The following SMC4 variants were observed in gnomAD, a reference collection of about 807,000 sequenced individuals.
SMC4 encodes the protein structural maintenance of chromosomes protein 4.
A neutral mutation model predicts 145.6 loss-of-function variants in SMC4; 87 were observed. The ratio of observed to expected loss-of-function variants is 0.60; its 90% CI spans 0.50 to 0.71. The LOEUF is 0.71. Among genes scored for constraint, SMC4 ranks in the 30% least tolerant of loss-of-function variants. The probability of loss-of-function intolerance (pLI) is 0.00; values close to 1 mark genes in which losing one functional copy is unlikely to be tolerated. For synonymous variants in SMC4, 558 were observed against 500.7 expected (o/e 1.11, Z -1.53); for missense variants, 1,447 against 1,537.1 (o/e 0.94, Z 0.98).
At chr3:160,431,587 A>G in intron 20 of SMC4, 56 bp from the exon 21 acceptor site, 1 of 1,275,634 alleles carries the variant, frequency 7.8e-7, no homozygotes, top group Non-Finnish European at 1.1e-6. Flanking sequence ...TTTTTAAACA[A>G]TGAATTGTAT....
intron 12 of SMC4, among the ~76,000 whole-genome samples, chr3:160,419,923 A>AT (rs1560004062): frequency 6.6e-6 from 1 of 152,136 alleles, no homozygotes; most frequent in Non-Finnish European, 1.5e-5. Context: ...TGGGCAATAT[A>AT]GCAAGACTGT....
At chr3:160,422,504 T>A (rs756112675) in intron 13 of SMC4, among the ~76,000 whole-genome samples, 18 of 152,224 alleles carry the variant, frequency 1.2e-4, no homozygotes, top group Non-Finnish European at 2.4e-4. Context: ...GAGAAATGTC[T>A]GTTTCAAATC....
chr3:160,412,830 A>G, intron 7 of SMC4: 1 of 984,374 alleles, frequency 1.0e-6, no homozygotes, highest in Non-Finnish European at 1.2e-6. Context: ...ACTTTTTAGT[A>G]TCCTGCTTTA....
chr3:160,419,458 C>G lies in SMC4; in HGVS notation c.1772C>G (p.Ala591Gly). 9.3e-6 allele frequency: 15 copies of G among 1,611,052 alleles called. No homozygotes were observed. The highest frequency in any genetic ancestry group is 1.3e-5 in the Non-Finnish European group (15 of 1,179,316). ...QKVEEAKSSL[A>G]MNRSRGKVLD... ...GTTGAAGAAGCAAAGAGCTCATTAG[C>G]AATGAATCGAAGTAGGGGGAAAGTC... The change falls in exon 12 of 24, where the codon GCA becomes GGA. Residue 591 changes from alanine to glycine, a missense_variant. Transcript: ENST00000357388.
In SMC4 at chr3:160,426,219, C is replaced by A; in HGVS notation, c.2605+19C>A. 3 of 1,560,160 alleles carry A rather than the reference C, an allele frequency of 1.9e-6. No homozygotes were observed. Among genetic ancestry groups the A allele is most frequent in the East Asian group, 2.3e-5 (1 of 44,010 alleles). On this transcript the variant is annotated intron_variant, in intron 17 of 23. Coordinates refer to ENST00000357388, the MANE Select transcript of SMC4 (RefSeq NM_001002800.3). The stretch of plus-strand genomic sequence containing the variant: ...AAAACAGGTATGTTTAGAGATAGAC[C>A]TTTTTTGGGGGGAAAAAAAAAACAG...
chr3:160,414,442 A>G lies in SMC4; in HGVS notation c.1197A>G (p.Gln399=), dbSNP rs1576960012. 6.2e-7 allele frequency: 1 copy of G among 1,610,980 alleles called. No individual in the cohort carries two copies. Among genetic ancestry groups the G allele is most frequent in the Middle Eastern group, 1.7e-4 (1 of 6,046 alleles). Reference sequence around the variant, plus strand: ...CACAGCTAGATTTGGAAGATGTTCAAGTTAGAGAAAAGTTAAAACATGCCA... The same window carrying G: ...CACAGCTAGATTTGGAAGATGTTCAGGTTAGAGAAAAGTTAAAACATGCCA... The part of the protein sequence containing the change: ...KFTQLDLEDV[Q]VREKLKHATS... The change falls in exon 9 of 24, where the codon CAA becomes CAG. Residue 399 remains glutamine, a synonymous_variant. Coordinates refer to ENST00000357388, the MANE Select transcript of SMC4 (RefSeq NM_001002800.3).
intron 17 of SMC4, 30 bp downstream of exon 17, chr3:160,426,230 GGA>G: frequency 6.5e-7 from 1 of 1,533,562 alleles, no homozygotes; most frequent in Non-Finnish European, 8.8e-7. Flanking sequence ...TTTTTTGGGG[GGA>G]AAAAAAAAAC....
chr3:160,425,946 C>T, intron 16 of SMC4, 128 bp from the exon 17 acceptor site: 1 of 663,910 alleles, frequency 1.5e-6, no homozygotes, highest in South Asian at 2.2e-5. Flanking sequence ...ATATCAATGG[C>T]ACATATCTTT....
intron 17 of SMC4, among the ~76,000 whole-genome samples, chr3:160,428,307 A>G (rs1485428494): frequency 2.0e-5 from 3 of 152,224 alleles, no homozygotes; most frequent in Admixed American, 1.3e-4. Context: ...ACGCTAATTC[A>G]TCTTATATCC....
At chr3:160,416,185 G>A (rs1716558001) in intron 9 of SMC4, 66 bp from the exon 10 acceptor site, 1 of 1,176,378 alleles carries the variant, frequency 8.5e-7, no homozygotes, top group East Asian at 2.5e-5. Context: ...CTTTAAATAT[G>A]TCAAATATTG....
intron 10 of SMC4, chr3:160,417,482 C>T (rs1488309246): frequency 2.1e-6 from 1 of 474,606 alleles, no homozygotes; most frequent in Admixed American, 3.9e-5. Flanking sequence ...TGTCTTTATT[C>T]CTCAGCGTAA....
At chr3:160,413,390 T>G in intron 7 of SMC4, 83 bp from the exon 8 acceptor site, 1 of 1,326,812 alleles carries the variant, frequency 7.5e-7, no homozygotes, top group Non-Finnish European at 1.0e-6. Flanking sequence ...TTAGAAACAG[T>G]TAGTTTTACT....
chr3:160,401,512 T>G (rs1300661694), intron 2 of SMC4, among the ~76,000 whole-genome samples: 1 of 152,114 alleles, frequency 6.6e-6, no homozygotes, highest in Non-Finnish European at 1.5e-5. Context: ...AAAATGAAGG[T>G]TCCAGGTGCT....
chr3:160,429,744 T>C (rs1718182473), intron 18 of SMC4, among the ~76,000 whole-genome samples: 1 of 149,190 alleles, frequency 6.7e-6, no homozygotes, highest in African/African-American at 2.5e-5. Flanking sequence ...TTTGAGACAG[T>C]CTCGCTCTGC....
intron 5 of SMC4, among the ~76,000 whole-genome samples, chr3:160,409,694 C>G (rs1170732007): frequency 6.6e-6 from 1 of 152,088 alleles, no homozygotes; most frequent in Non-Finnish European, 1.5e-5. Context: ...TTCAGATATT[C>G]TCCTTGAATT....
intron 3 of SMC4, among the ~76,000 whole-genome samples, chr3:160,402,425 T>C (rs762060118): frequency 2.6e-5 from 4 of 152,226 alleles, no homozygotes; most frequent in Non-Finnish European, 5.9e-5. Context: ...CCTTAGATAA[T>C]TTAACTATAA....
chr3:160,412,214 T>C (rs1716068170), intron 6 of SMC4, 112 bp from the exon 7 acceptor site: 1 of 1,393,066 alleles, frequency 7.2e-7, no homozygotes, highest in African/African-American at 1.5e-5. Context: ...TATCTTAACA[T>C]TTAAGATGAA....
intron 3 of SMC4, 30 bp from the exon 4 acceptor site, chr3:160,402,646 C>G: frequency 6.3e-7 from 1 of 1,585,564 alleles, no homozygotes; most frequent in South Asian, 1.2e-5. Context: ...ATGAACTTTT[C>G]CGTGTTTTGT....
intron 16 of SMC4, among the ~76,000 whole-genome samples, chr3:160,425,816 G>C (rs1260866765): frequency 6.6e-6 from 1 of 152,120 alleles, no homozygotes; most frequent in Admixed American, 6.5e-5. Flanking sequence ...ATTTTTCCAA[G>C]TCTTTGAACA....
Sources: allele counts gnomAD v4.1 joint callset (sites outside exome capture counted in the v4.1 genomes callset), GRCh38; gene constraint gnomAD v4.1.1; transcripts MANE v1.5; gene names NCBI Gene and HGNC (gene_info 2026-07-23, HGNC 2026-07-21).